The following INTS3 variants were observed in gnomAD, a reference collection of about 807,000 sequenced individuals.
The protein encoded by INTS3 is SOSS complex subunit A.
Under a neutral mutation model 146.3 loss-of-function variants are expected in INTS3, and 34 were observed. The ratio of observed to expected loss-of-function variants is 0.23; its 90% confidence interval spans 0.18 to 0.31. The LOEUF is 0.31. INTS3 is among the 10% of genes least tolerant of loss of function. INTS3 has a pLI of 1.00. For missense variants in INTS3, 757 were observed against 1,304.2 expected (o/e 0.58, Z 6.46); for synonymous variants, 475 against 494.9 (o/e 0.96, Z 0.53).
chr1:153,755,567 G>GT (rs756773334), intron 9 of INTS3, among the ~76,000 whole-genome samples: 217 of 152,130 alleles, frequency 1.4e-3, no homozygotes, highest in Non-Finnish European at 2.8e-3. Context: ...GCCAGAATCT[G>GT]TTTTTAGCAG....
chr1:153,757,838 C>A lies in INTS3; in HGVS notation c.1149+75C>A. ...CCCATGTTTCCATTCTTCTTCCTGA[C>A]TCCAGGGCCACTTGACCCCTAAGGG... is the stretch of plus-strand genomic sequence containing the variant. On this transcript the variant is annotated intron_variant, in intron 10 of 29. Transcript: ENST00000318967. This position sits in a 1 kb window ranked among gnomAD's most constrained non-coding sequence, Gnocchi z 4.0. 7.6e-7 allele frequency: 1 copy of A among 1,315,660 alleles called. No individual in the cohort carries two copies. Among genetic ancestry groups the A allele is most frequent in the Non-Finnish European group, 1.1e-6 (1 of 923,596 alleles). 81.5% of individuals were successfully genotyped at this position (1,315,660 alleles called of 1,614,324 possible). A position where few individuals can be genotyped will look rare whatever the true frequency, so the allele number is the denominator to read the frequency against.
Position 153,772,620 on chromosome 1 carries a change from C to G in INTS3, c.2822-19C>G, listed in dbSNP as rs751467638. ...ATCTGATTGTTTTTCCTTCCCTGCT[C>G]TCCCTTTTCTTCCTCTAGTTTTTAG... On this transcript the variant is annotated intron_variant, in intron 27 of 29. Transcript: ENST00000318967. The surrounding 1 kb of genome is among the most constrained non-coding windows in gnomAD (Gnocchi z 4.6). The G allele has an allele frequency of 1.2e-6, 2 of 1,614,204 alleles. No homozygotes were observed. The highest frequency in any genetic ancestry group is 4.5e-5 in the East Asian group (2 of 44,884).
chr1:153,767,665 G>A lies in INTS3; in HGVS notation c.2091-9G>A, dbSNP rs746749166. 6.4e-7 allele frequency: 1 copy of A among 1,571,816 alleles called. No homozygotes were observed. The highest frequency in any genetic ancestry group is 8.7e-7 in the Non-Finnish European group (1 of 1,152,846). ...CAGGCTGCTGGCTCAGGCCCAGCTG[G>A]TCTTGCAGCAAAGCCGCCGCAGGGA... On this transcript the variant is annotated splice_polypyrimidine_tract_variant and intron_variant, in intron 20 of 29. Coordinates refer to ENST00000318967, the MANE Select transcript of INTS3 (RefSeq NM_023015.5).
At chr1:153,730,989 T>C (rs146732188) in intron 1 of INTS3, among the ~76,000 whole-genome samples, 101 of 152,096 alleles carry the variant, frequency 6.6e-4, no homozygotes, top group Middle Eastern at 3.4e-3. Flanking sequence ...TCGACTGACC[T>C]CTGCTTGTTC....
chr1:153,754,927 A>C (rs1284139489), intron 9 of INTS3, among the ~76,000 whole-genome samples, 188 bp downstream of exon 9: 1 of 152,254 alleles, frequency 6.6e-6, no homozygotes, highest in East Asian at 1.9e-4. Context: ...CATGGTGCTA[A>C]GGATTGGGGG....
At chr1:153,768,782 G>A in intron 21 of INTS3, 111 bp from the exon 22 acceptor site, 2 of 801,912 alleles carry the variant, frequency 2.5e-6, no homozygotes, top group Non-Finnish European at 2.1e-6. Flanking sequence ...TTTAGGGCCT[G>A]TGTCTGGCTG....
In INTS3 at chr1:153,765,026, A is replaced by C; in HGVS notation, c.2053A>C (p.Lys685Gln). The change falls in exon 20 of 30, where the codon AAG becomes CAG. Residue 685 changes from lysine (K) to glutamine (Q), a missense_variant. By Grantham distance (53) the Lys-to-Gln change is moderately conservative. Transcript: ENST00000318967. ...LLSELYQKQP[K>Q]IGYHLLYYLR... ...CTCCGAGCTATATCAGAAGCAGCCC[A>C]AGATTGGCTACCACCTGCTCTACTA... 6.2e-7 allele frequency: 1 copy of C among 1,614,136 alleles called. No individual in the cohort carries two copies. Among genetic ancestry groups the C allele is most frequent in the Non-Finnish European group, 8.5e-7 (1 of 1,180,004 alleles).
At position 153,769,800 on chromosome 1, in the gene INTS3, GTAACC is replaced by G; in HGVS notation, c.2347_2351del (p.Asn783GlyfsTer22). 6.2e-7 allele frequency: 1 copy of G among 1,613,730 alleles called. No individual in the cohort carries two copies. Among genetic ancestry groups the G allele is most frequent in the Non-Finnish European group, 8.5e-7 (1 of 1,179,768 alleles). ...GAGCTGGTCTGCCACGTGATGATGGGTAACCTGGTTATGTTTCGAAAAGACTCAGT... is the reference window on the plus strand; with the variant it reads ...GAGCTGGTCTGCCACGTGATGATGGGTGGTTATGTTTCGAAAAGACTCAGT... On this transcript the variant is annotated frameshift_variant, in exon 23 of 30. Transcript: ENST00000318967. LOFTEE classifies it high-confidence loss of function.
intron 1 of INTS3, among the ~76,000 whole-genome samples, chr1:153,729,428 C>A (rs976722142): frequency 2.0e-5 from 3 of 152,138 alleles, no homozygotes; most frequent in Non-Finnish European, 4.4e-5. Flanking sequence ...GAAGGTGGAG[C>A]GAAGAAATGG....
intron 1 of INTS3, among the ~76,000 whole-genome samples, chr1:153,733,812 C>T (rs1413527658): frequency 6.6e-6 from 1 of 151,974 alleles, no homozygotes; most frequent in East Asian, 1.9e-4. Flanking sequence ...ACCATGTTGG[C>T]CAGGCTGCTC....
At chr1:153,752,134 C>T (rs566643675) in intron 7 of INTS3, 145 bp from the exon 8 acceptor site, 1 of 843,306 alleles carries the variant, frequency 1.2e-6, no homozygotes, top group Non-Finnish European at 2.0e-6. Context: ...GGAGCCAATC[C>T]TTTGGTTCCA....
chr1:153,752,475 C>T, intron 8 of INTS3, 67 bp downstream of exon 8: 1 of 1,516,366 alleles, frequency 6.6e-7, no homozygotes, highest in Non-Finnish European at 8.9e-7. Flanking sequence ...TTGCTTGAAT[C>T]AAGAAGGTAG....
At chr1:153,755,653 AGAATAATT>A (rs1429750755) in intron 9 of INTS3, among the ~76,000 whole-genome samples, 1 of 152,196 alleles carries the variant, frequency 6.6e-6, no homozygotes, top group Non-Finnish European at 1.5e-5. Context: ...CAAGTCACCC[AGAATAATT>A]GTCCAGGTCT....
Position 153,741,356 on chromosome 1 carries a change from C to G in INTS3, c.306C>G (p.Ala102=). The G allele has an allele frequency of 1.2e-6, 2 of 1,613,450 alleles. No homozygotes were observed. The highest frequency in any genetic ancestry group is 1.7e-6 in the Non-Finnish European group (2 of 1,179,410). ...GLFTLILTEP[A]QAQKCYRDLA... ...TTACTCTCATCCTCACTGAACCTGC[C>G]CAAGCCCAGAAGGTAAGGCACCCTG... The change falls in exon 3 of 30, where the codon GCC becomes GCG. Residue 102 remains alanine (A), a synonymous_variant. Coordinates refer to ENST00000318967, the MANE Select transcript of INTS3 (RefSeq NM_023015.5).
intron 25 of INTS3, among the ~76,000 whole-genome samples, chr1:153,771,509 C>T (rs1361739734): frequency 6.6e-6 from 1 of 152,126 alleles, no homozygotes; most frequent in Non-Finnish European, 1.5e-5. Flanking sequence ...CTCCCAGGCC[C>T]ACTCCCTGAC....
At chr1:153,760,118 G>A (rs547249966) in intron 11 of INTS3, 193 bp from the exon 12 acceptor site, 1 of 591,436 alleles carries the variant, frequency 1.7e-6, no homozygotes, top group South Asian at 2.1e-5. Context: ...TGTAATTCCA[G>A]CTGCTGGGGA....
intron 9 of INTS3, among the ~76,000 whole-genome samples, chr1:153,755,865 C>G (rs1197083224): frequency 6.6e-6 from 1 of 151,982 alleles, no homozygotes; most frequent in East Asian, 1.9e-4. Flanking sequence ...GTGGTGAAAC[C>G]CCGTCTCTAC....
At chr1:153,729,076 C>T (rs886228453) in intron 1 of INTS3, among the ~76,000 whole-genome samples, 62 of 152,226 alleles carry the variant, frequency 4.1e-4, no homozygotes, top group African/African-American at 1.2e-3. Flanking sequence ...ACATTCCTTT[C>T]GACATACACA....
At chr1:153,751,950 A>T (rs745676147) in intron 7 of INTS3, 2 of 309,956 alleles carry the variant, frequency 6.5e-6, no homozygotes, top group Non-Finnish European at 1.2e-5. Flanking sequence ...CTGGGGCTCA[A>T]CTTGCCAGTC....
Sources: gnomAD v4.1 joint callset for allele counts (sites outside exome capture counted in the v4.1 genomes callset) on GRCh38, gnomAD v4.1.1 for gene constraint, Gnocchi (gnomAD v3.1) non-coding constraint, MANE v1.5 for transcripts, NCBI Gene and HGNC (gene_info 2026-07-23, HGNC 2026-07-21) for gene names.